Variants in FRAS1 observed in about 807,000 individuals in gnomAD.
FRAS1 encodes the protein extracellular matrix organizing protein FRAS1.
A neutral mutation model predicts 435.2 loss-of-function variants in FRAS1; 290 were observed. The observed-to-expected ratio is 0.67, with a 90% CI of 0.61 to 0.73. The LOEUF (loss-of-function observed/expected upper bound fraction) is 0.73. Ranked by LOEUF, FRAS1 falls within the 30% of genes least tolerant of loss-of-function variation. The pLI is 0.00. For synonymous variants in FRAS1, 1,800 were observed against 1,851.0 expected, an observed-to-expected ratio of 0.97 and a Z score of 0.71; for missense variants, 4,860 against 5,001.5, an observed-to-expected ratio of 0.97 and a Z score of 0.85.
intron 2 of FRAS1, among the ~76,000 whole-genome samples, chr4:78,158,306 A>G (rs1401213456): frequency 6.6e-6 from 1 of 152,194 alleles, no homozygotes; most frequent in Admixed American, 6.5e-5. Flanking sequence ...CTTCTAATCC[A>G]TGAGTATAAA....
At chr4:78,176,975 T>A (rs17003021) in intron 2 of FRAS1, among the ~76,000 whole-genome samples, 14 of 152,030 alleles carry the variant, frequency 9.2e-5, no homozygotes, top group Admixed American at 2.0e-4. Context: ...CTTGTATTGC[T>A]GAAACCAAAA....
At chr4:78,198,160 C>G (rs1241877884) in intron 2 of FRAS1, among the ~76,000 whole-genome samples, 1 of 152,150 alleles carries the variant, frequency 6.6e-6, no homozygotes, top group Non-Finnish European at 1.5e-5. Flanking sequence ...ATCTCAGGAC[C>G]TCCTCAGACA....
At chr4:78,312,177 T>C (rs1421165505) in intron 15 of FRAS1, among the ~76,000 whole-genome samples, 4 of 93,526 alleles carry the variant, frequency 4.3e-5, no homozygotes, top group Non-Finnish European at 8.2e-5. Flanking sequence ...CCATCTGAAG[T>C]CCATATATAT....
intron 2 of FRAS1, among the ~76,000 whole-genome samples, chr4:78,215,750 C>T (rs1723739589): frequency 1.3e-5 from 2 of 152,178 alleles, no homozygotes; most frequent in South Asian, 4.1e-4. Context: ...GCTTAATATC[C>T]TCAAGGTTCA....
At chr4:78,078,325 TAA>T (rs1184951401) in intron 2 of FRAS1, among the ~76,000 whole-genome samples, 3 of 152,196 alleles carry the variant, frequency 2.0e-5, no homozygotes, top group African/African-American at 7.2e-5. Context: ...TATACATTTT[TAA>T]AAAGCATGTT....
chr4:78,399,937 A>G (rs1280068811), intron 29 of FRAS1, among the ~76,000 whole-genome samples: 1 of 152,150 alleles, frequency 6.6e-6, no homozygotes, highest in African/African-American at 2.4e-5. Context: ...TCCAGTGCCT[A>G]TGAGATGAAT....
At chr4:78,084,583 G>C (rs1158327662) in intron 2 of FRAS1, among the ~76,000 whole-genome samples, 1 of 152,056 alleles carries the variant, frequency 6.6e-6, no homozygotes, top group African/African-American at 2.4e-5. Context: ...TCCCATCTTT[G>C]GATAGTGAGA....
At position 78,511,635 on chromosome 4, in the gene FRAS1, A is replaced by G. The variant is rs558202277; in HGVS notation, c.10013+129A>G. On this transcript the variant is annotated intron_variant, in intron 64 of 73. Transcript: ENST00000512123. The stretch of plus-strand genomic sequence containing the variant: ...AAATGTGATGATGAATGCATCAGTA[A>G]AAGTTTAAATCTGTGAAGGTCCCTC... 8.1e-5 allele frequency: 64 copies of G among 789,884 alleles called. No homozygotes were observed. In the African/African-American group the frequency reaches 1.0e-3, roughly 13 times the overall value. The allele number at this position is 789,884 out of a possible 1,614,324, so 48.9% of individuals were successfully genotyped here. A position where few individuals can be genotyped will look rare whatever the true frequency, so the allele number is the denominator to read the frequency against.
intron 2 of FRAS1, among the ~76,000 whole-genome samples, chr4:78,231,361 A>G (rs986943766): frequency 4.6e-5 from 7 of 151,920 alleles, no homozygotes; most frequent in African/African-American, 1.7e-4. Context: ...GGATAAAGGA[A>G]AACAAAAAAT....
intron 66 of FRAS1, 106 bp downstream of exon 66, chr4:78,516,119 A>G: frequency 1.2e-6 from 1 of 817,956 alleles, no homozygotes; most frequent in Non-Finnish European, 1.9e-6. Context: ...GAACTGGGAC[A>G]ACCAACTAAG....
intron 2 of FRAS1, among the ~76,000 whole-genome samples, chr4:78,087,600 C>T (rs989216479): frequency 9.9e-5 from 15 of 152,224 alleles, no homozygotes; most frequent in African/African-American, 3.4e-4. Context: ...AACCAATGTA[C>T]AAAAATCACA....
chr4:78,325,921 TA>T (rs2110247948), intron 18 of FRAS1, among the ~76,000 whole-genome samples: 1 of 152,306 alleles, frequency 6.6e-6, no homozygotes, highest in South Asian at 2.1e-4. Context: ...AAGAAAACAG[TA>T]AGTGCAAAGG....
chr4:78,101,004 G>T (rs1302985655), intron 2 of FRAS1, among the ~76,000 whole-genome samples: 1 of 152,124 alleles, frequency 6.6e-6, no homozygotes, highest in Non-Finnish European at 1.5e-5. Context: ...GTAAATCTTT[G>T]TTTTGTGGGG....
In FRAS1 at chr4:78,450,329, C is replaced by T; in HGVS notation, c.6453C>T (p.Asp2151=). ...KGPIRSFTQA[D]ISQGHVEYSH... is the part of the protein sequence containing the mutation. ...CCATCCGAAGTTTCACCCAGGCAGA[C>T]ATTAGCCAAGGTCAGCCAGTTCTCT... The change falls in exon 45 of 74, where the codon GAC becomes GAT. Residue 2151 remains aspartate (D), a synonymous_variant. Coordinates refer to ENST00000512123, the MANE Select transcript of FRAS1 (RefSeq NM_025074.7). 6.2e-7 allele frequency: 1 copy of T among 1,613,848 alleles called. No homozygotes were observed. Among genetic ancestry groups the T allele is most frequent in the Non-Finnish European group, 8.5e-7 (1 of 1,179,778 alleles).
chr4:78,429,240 G>A lies in FRAS1; in HGVS notation c.4843+14G>A, dbSNP rs1420904432. ...GCACTTCTGTAGGTAAGAACTGGGA[G>A]CCTGATAGAAACATGGCTTTGGAAA... On this transcript the variant is annotated intron_variant, in intron 36 of 73. Coordinates refer to ENST00000512123, the MANE Select transcript of FRAS1 (RefSeq NM_025074.7). The A allele has an allele frequency of 1.0e-5, 16 of 1,600,254 alleles. No homozygotes were observed. Among genetic ancestry groups the A allele is most frequent in the African/African-American group, 1.3e-5 (1 of 74,660 alleles).
chr4:78,400,436 T>C (rs1011633343), intron 29 of FRAS1, among the ~76,000 whole-genome samples: 4 of 152,136 alleles, frequency 2.6e-5, no homozygotes, highest in African/African-American at 9.7e-5. Context: ...GTGGAGAGGA[T>C]AGAAAGACAG....
At chr4:78,363,489 TC>T (rs1731154828) in intron 20 of FRAS1, 23 bp from the exon 21 acceptor site, 5 of 1,593,616 alleles carry the variant, frequency 3.1e-6, no homozygotes, top group Non-Finnish European at 4.3e-6. Context: ...CCGTGCCTTC[TC>T]TGTGCTCCCC....
intron 34 of FRAS1, 25 bp downstream of exon 34, chr4:78,422,025 G>T (rs1733810114): frequency 6.3e-7 from 1 of 1,594,848 alleles, no homozygotes. Flanking sequence ...TCTGCTTTGA[G>T]GCACCCAACT....
At position 78,108,554 on chromosome 4, in the gene FRAS1, G is replaced by C. The variant is rs1257724035; in HGVS notation, c.108+42538G>C. Among the ~76,000 whole-genome samples the C allele has an allele frequency of 1.9e-5, 2 of 102,848 alleles. 1 individual carries two copies. Among genetic ancestry groups the C allele is most frequent in the Non-Finnish European group, 3.9e-5 (2 of 51,574 alleles). The allele number at this position is 102,848 out of a possible 152,430, so 67.5% of individuals were successfully genotyped here. A position where few individuals can be genotyped will look rare whatever the true frequency, so the allele number is the denominator to read the frequency against. On this transcript the variant is annotated intron_variant, in intron 2 of 73. Coordinates refer to ENST00000512123, the MANE Select transcript of FRAS1 (RefSeq NM_025074.7). ...TAAAGATGTTCTTTGAAACCAACGA[G>C]AACAAAGACACCACATGCCAGAATC...
Sources: gnomAD v4.1 joint callset for allele counts (sites outside exome capture counted in the v4.1 genomes callset) on GRCh38, gnomAD v4.1.1 for gene constraint, MANE v1.5 for transcripts, NCBI Gene and HGNC (gene_info 2026-07-23, HGNC 2026-07-21) for gene names.